NELL1: variants seen among roughly 807,000 people sequenced by gnomAD.
NELL1 encodes the protein protein kinase C-binding protein NELL1.
NELL1 carries 76 observed loss-of-function variants against 107.4 expected under a neutral mutation model. The observed-to-expected ratio is 0.71, with a 90% CI of 0.59 to 0.86. The LOEUF is 0.86. Among genes scored for constraint, NELL1 ranks in the 40% least tolerant of loss-of-function variants. The pLI is 0.00. For missense variants in NELL1, 1,024 were observed against 1,005.5 expected (o/e 1.02, Z -0.25); for synonymous variants, 353 against 341.2 (o/e 1.03, Z -0.38).
At chr11:20,862,757 C>G (rs571356247) in intron 4 of NELL1, among the ~76,000 whole-genome samples, 1 of 151,934 alleles carries the variant, frequency 6.6e-6, no homozygotes, top group Non-Finnish European at 1.5e-5. Context: ...CCTGGCCTTC[C>G]GCAGTGTTTG....
chr11:21,034,787 A>C (rs1187701849), intron 12 of NELL1, among the ~76,000 whole-genome samples: 2 of 152,116 alleles, frequency 1.3e-5, no homozygotes, highest in African/African-American at 4.8e-5. Context: ...CCACATCAAA[A>C]AGCTAGAAAG....
At chr11:21,370,969 G>A (rs1851347318) in intron 15 of NELL1, 21 bp downstream of exon 15, 1 of 1,549,286 alleles carries the variant, frequency 6.5e-7, no homozygotes, top group Non-Finnish European at 8.9e-7. Flanking sequence ...TTGTTTTATG[G>A]GGGATAGGGA....
intron 12 of NELL1, among the ~76,000 whole-genome samples, chr11:21,102,260 T>TA (rs1466477985): frequency 2.6e-5 from 4 of 152,354 alleles, no homozygotes; most frequent in African/African-American, 7.2e-5. Flanking sequence ...TTACCAGAGA[T>TA]ACACTATCTG....
At chr11:21,160,529 G>A (rs2133799041) in intron 13 of NELL1, among the ~76,000 whole-genome samples, 1 of 152,204 alleles carries the variant, frequency 6.6e-6, no homozygotes, top group Middle Eastern at 3.4e-3. Flanking sequence ...TCCTAGCTAT[G>A]TTAGACTCTG....
intron 11 of NELL1, among the ~76,000 whole-genome samples, chr11:20,958,131 A>G (rs754523645): frequency 1.3e-5 from 2 of 152,166 alleles, no homozygotes; most frequent in Admixed American, 6.5e-5. Flanking sequence ...AACAAACCCC[A>G]ACAAGGCTGG....
intron 15 of NELL1, among the ~76,000 whole-genome samples, chr11:21,464,200 G>A (rs1853968515): frequency 6.6e-6 from 1 of 152,004 alleles, no homozygotes; most frequent in Non-Finnish European, 1.5e-5. Context: ...AGACTCAATA[G>A]TGGATAAAAT....
intron 2 of NELL1, among the ~76,000 whole-genome samples, chr11:20,712,749 C>T (rs895670077): frequency 2.6e-5 from 4 of 152,136 alleles, no homozygotes; most frequent in African/African-American, 4.8e-5. Context: ...TATTGCTCTT[C>T]GGGTTTTAGC....
At chr11:20,692,573 A>G (rs1854497679) in intron 2 of NELL1, among the ~76,000 whole-genome samples, 1 of 150,324 alleles carries the variant, frequency 6.7e-6, no homozygotes, top group Admixed American at 6.6e-5. Context: ...CAGGTTGTTC[A>G]GTTTCCATGT....
chr11:21,103,705 A>G (rs567826408), intron 12 of NELL1, among the ~76,000 whole-genome samples: 1 of 152,320 alleles, frequency 6.6e-6, no homozygotes, highest in African/African-American at 2.4e-5. Context: ...AATTTTCTTT[A>G]TCTTTGCAAA....
At chr11:21,466,009 A>G (rs1249214120) in intron 15 of NELL1, among the ~76,000 whole-genome samples, 1 of 152,106 alleles carries the variant, frequency 6.6e-6, no homozygotes, top group Non-Finnish European at 1.5e-5. Context: ...AGAGAGCCAG[A>G]GATGCAAAGC....
intron 2 of NELL1, among the ~76,000 whole-genome samples, chr11:20,771,584 A>G (rs1177120499): frequency 6.6e-6 from 1 of 152,218 alleles, no homozygotes; most frequent in African/African-American, 2.4e-5. Flanking sequence ...TAGAAAAGTC[A>G]TATGATTAAG....
At chr11:21,201,125 G>T (rs906910470) in intron 13 of NELL1, among the ~76,000 whole-genome samples, 1 of 152,058 alleles carries the variant, frequency 6.6e-6, no homozygotes, top group South Asian at 2.1e-4. Flanking sequence ...CTGTTTTTTG[G>T]TTCCATATGA....
At chr11:21,208,601 T>A (rs1857437386) in intron 13 of NELL1, among the ~76,000 whole-genome samples, 1 of 152,100 alleles carries the variant, frequency 6.6e-6, no homozygotes, top group Non-Finnish European at 1.5e-5. Flanking sequence ...CTATCCTTTC[T>A]TCCCATATCC....
At chr11:21,339,734 G>T (rs951875500) in intron 14 of NELL1, among the ~76,000 whole-genome samples, 15 of 152,272 alleles carry the variant, frequency 9.9e-5, no homozygotes, top group African/African-American at 3.1e-4. Context: ...CTACCAATAA[G>T]AATGTACTAA....
chr11:21,232,875 A>G (rs1358049643), intron 14 of NELL1, among the ~76,000 whole-genome samples: 1 of 151,918 alleles, frequency 6.6e-6, no homozygotes, highest in Non-Finnish European at 1.5e-5. Context: ...CTGGTTTCCA[A>G]CTCCTGACCT....
intron 3 of NELL1, among the ~76,000 whole-genome samples, chr11:20,823,295 G>A (rs1400945523): frequency 6.6e-6 from 1 of 151,178 alleles, no homozygotes; most frequent in Non-Finnish European, 1.5e-5. Flanking sequence ...CAGATCTCGT[G>A]AGACTTATAT....
intron 15 of NELL1, among the ~76,000 whole-genome samples, chr11:21,393,330 A>G (rs1026276123): frequency 1.3e-5 from 2 of 151,518 alleles, no homozygotes; most frequent in East Asian, 3.9e-4. Flanking sequence ...CCAGGGGGTC[A>G]AAAGCTTTGA....
intron 1 of NELL1, among the ~76,000 whole-genome samples, chr11:20,673,801 G>A (rs984480420): frequency 6.6e-6 from 1 of 152,096 alleles, no homozygotes; most frequent in Non-Finnish European, 1.5e-5. Context: ...TCCTAGGAAA[G>A]GGCAGGAGCT....
intron 12 of NELL1, among the ~76,000 whole-genome samples, chr11:21,095,635 A>T (rs189223192): frequency 6.6e-6 from 1 of 152,046 alleles, no homozygotes; most frequent in African/African-American, 2.4e-5. Context: ...TTCAAGACAG[A>T]GTTTTGTTCT....
Sources: allele counts gnomAD v4.1 joint callset (sites outside exome capture counted in the v4.1 genomes callset), GRCh38; gene constraint gnomAD v4.1.1; transcripts MANE v1.5; gene names NCBI Gene and HGNC (gene_info 2026-07-23, HGNC 2026-07-21).